The following GRIP1 variants were observed in gnomAD, a reference collection of about 807,000 sequenced individuals.
GRIP1 encodes glutamate receptor-interacting protein 1.
In GRIP1, 45 loss-of-function variants were observed where a neutral mutation model predicts 129.9. The ratio of observed to expected loss-of-function variants is 0.35; its 90% CI spans 0.27 to 0.44. GRIP1 has a LOEUF of 0.44. GRIP1 is among the 20% of genes least tolerant of loss of function. The pLI is 1.00. For synonymous variants in GRIP1, 530 were observed against 520.8 expected (o/e 1.02, Z -0.24); for missense variants, 1,196 against 1,396.8 (o/e 0.86, Z 2.29).
chr12:66,594,143 A>T (rs1441506593), intron 2 of GRIP1, among the ~76,000 whole-genome samples: 1 of 151,676 alleles, frequency 6.6e-6, no homozygotes, highest in Non-Finnish European at 1.5e-5. Flanking sequence ...GGACAGGTCA[A>T]TGGCCCTGGA....
intron 1 of GRIP1, among the ~76,000 whole-genome samples, chr12:66,938,572 G>A (rs567333267): frequency 6.6e-6 from 1 of 152,274 alleles, no homozygotes; most frequent in South Asian, 2.1e-4. Flanking sequence ...GAATTCTGCA[G>A]ATTTGATACC....
At chr12:66,929,213 C>A (rs1420613812) in intron 1 of GRIP1, among the ~76,000 whole-genome samples, 1 of 152,182 alleles carries the variant, frequency 6.6e-6, no homozygotes, top group East Asian at 1.9e-4. Context: ...ACCTCAATGC[C>A]TTTGTTTGCT....
chr12:66,682,469 G>C (rs571687630), upstream of GRIP1, among the ~76,000 whole-genome samples: 2 of 152,226 alleles, frequency 1.3e-5, no homozygotes, highest in African/African-American at 4.8e-5. Flanking sequence ...TCATAAGAAG[G>C]GGGTGGGTTG....
chr12:66,933,442 T>C (rs2041433106), intron 1 of GRIP1, among the ~76,000 whole-genome samples: 1 of 152,250 alleles, frequency 6.6e-6, no homozygotes, highest in African/African-American at 2.4e-5. Flanking sequence ...TAACATTTTG[T>C]AGATTTTGAA....
chr12:66,817,239 CACACAT>C (rs764122403), intron 1 of GRIP1, among the ~76,000 whole-genome samples: 113 of 137,688 alleles, frequency 8.2e-4, no homozygotes, highest in East Asian at 1.4e-3. Flanking sequence ...CACACACACA[CACACAT>C]ATATATTTCC....
intron 1 of GRIP1, among the ~76,000 whole-genome samples, chr12:67,012,179 G>C (rs557959058): frequency 6.6e-6 from 1 of 152,314 alleles, no homozygotes; most frequent in Non-Finnish European, 1.5e-5. Context: ...AGTACAAGCT[G>C]TAGGAGAGAA....
chr12:66,661,345 C>G (rs1284320160), intron 1 of GRIP1, among the ~76,000 whole-genome samples: 1 of 151,062 alleles, frequency 6.6e-6, no homozygotes, highest in Non-Finnish European at 1.5e-5. Context: ...AGCACTGAAA[C>G]AATCAAAATC....
intron 1 of GRIP1, among the ~76,000 whole-genome samples, chr12:66,841,280 A>G (rs751783478): frequency 2.0e-5 from 3 of 152,112 alleles, no homozygotes; most frequent in Non-Finnish European, 4.4e-5. Flanking sequence ...TGCCTCTGTT[A>G]GTCCTTCAAG....
chr12:66,804,823 A>G (rs73329265), upstream of GRIP1, among the ~76,000 whole-genome samples: 3,676 of 152,284 alleles, frequency 0.024, 162 homozygotes, highest in African/African-American at 0.084. Flanking sequence ...GCTCCCTTGC[A>G]TATCATATTA....
In GRIP1 at chr12:66,539,542, A is replaced by C. The variant is rs376232111; in HGVS notation, c.273-319T>G. ...AAGCACCATAAAACAAAATCAAGAG[A>C]AGCTTTTTTTTTTTTTTTTTTTTTT... On this transcript the variant is annotated intron_variant, in intron 3 of 24. Transcript: ENST00000359742. 1.5e-3 allele frequency among the ~76,000 whole-genome samples: 139 copies of C among 92,618 alleles called. 1 individual carries two copies. In the South Asian group the frequency reaches 0.026, roughly 17 times the overall value. The allele number at this position is 92,618 out of a possible 152,430, so 60.8% of individuals were successfully genotyped here. A position where few individuals can be genotyped will look rare whatever the true frequency, so the allele number is the denominator to read the frequency against.
intron 1 of GRIP1, among the ~76,000 whole-genome samples, chr12:66,809,288 C>T (rs1209558764): frequency 1.3e-5 from 2 of 152,248 alleles, no homozygotes; most frequent in East Asian, 1.9e-4. Flanking sequence ...CCTAGATCAG[C>T]GATTAGGGGG....
intron 1 of GRIP1, among the ~76,000 whole-genome samples, chr12:66,901,150 A>G (rs2040837904): frequency 6.6e-6 from 1 of 152,224 alleles, no homozygotes; most frequent in African/African-American, 2.4e-5. Context: ...ACTTTATTAT[A>G]TCAGAGGGAG....
At position 66,556,642 on chromosome 12, in the gene GRIP1, A is replaced by T. The variant is rs551120762; in HGVS notation, c.137-14692T>A. Among the ~76,000 whole-genome samples the T allele has an allele frequency of 3.3e-5, 4 of 122,110 alleles. No individual in the cohort carries two copies. In the South Asian group the frequency reaches 7.6e-4, roughly 23 times the overall value. 80.1% of individuals were successfully genotyped at this position (122,110 alleles called of 152,430 possible). Reference sequence around the variant, plus strand: ...GAAATAGCCAGTATGATAAAACATTAAAAAAAAAACAACAACAAAATGTTA... The same window carrying T: ...GAAATAGCCAGTATGATAAAACATTTAAAAAAAAACAACAACAAAATGTTA... On this transcript the variant is annotated intron_variant, in intron 2 of 24. Transcript: ENST00000359742.
chr12:66,480,396 T>C (rs567209756), intron 7 of GRIP1, among the ~76,000 whole-genome samples: 11 of 152,102 alleles, frequency 7.2e-5, no homozygotes, highest in African/African-American at 2.2e-4. Context: ...AAACCACTGC[T>C]CAAGAAAATA....
chr12:66,450,546 A>AC (rs2058762749), intron 11 of GRIP1, among the ~76,000 whole-genome samples: 1 of 139,974 alleles, frequency 7.1e-6, no homozygotes, highest in Non-Finnish European at 1.6e-5. Context: ...AGTTGAGATG[A>AC]TAAAAATTAT....
intron 6 of GRIP1, among the ~76,000 whole-genome samples, chr12:66,517,001 G>A (rs967617065): frequency 3.3e-5 from 5 of 152,122 alleles, no homozygotes; most frequent in African/African-American, 4.8e-5. Context: ...ATAAGATAAT[G>A]TCCACCAAGC....
chr12:66,972,986 T>C (rs991244193), intron 1 of GRIP1, among the ~76,000 whole-genome samples: 1 of 152,182 alleles, frequency 6.6e-6, no homozygotes, highest in Non-Finnish European at 1.5e-5. Context: ...GCAGTATTAA[T>C]GATAGCCCTG....
chr12:66,600,230 A>G (rs983089063), intron 1 of GRIP1, among the ~76,000 whole-genome samples: 2 of 152,218 alleles, frequency 1.3e-5, no homozygotes, highest in Non-Finnish European at 2.9e-5. Context: ...ATGTCAATAT[A>G]GCTCACTGAT....
At chr12:66,839,485 T>G (rs1044193685) in intron 1 of GRIP1, among the ~76,000 whole-genome samples, 5 of 152,160 alleles carry the variant, frequency 3.3e-5, no homozygotes, top group African/African-American at 1.2e-4. Context: ...ATACACACAC[T>G]AATGCCTCAG....
Sources: gnomAD v4.1 joint callset for allele counts (sites outside exome capture counted in the v4.1 genomes callset) on GRCh38, gnomAD v4.1.1 for gene constraint, MANE v1.5 for transcripts, NCBI Gene and HGNC (gene_info 2026-07-23, HGNC 2026-07-21) for gene names.